NLN: variants seen among roughly 807,000 people sequenced by gnomAD.
NLN encodes the protein neurolysin.
A neutral mutation model predicts 79.9 loss-of-function variants in NLN; 64 were observed. The ratio of observed to expected loss-of-function variants is 0.80; its 90% CI spans 0.65 to 0.99. The LOEUF (loss-of-function observed/expected upper bound fraction) is 0.99. Ranked by LOEUF, NLN falls within the 50% of genes least tolerant of loss-of-function variation. The pLI, the probability that NLN is intolerant of heterozygous loss-of-function variation, is 0.00. For missense variants in NLN, 835 were observed against 858.7 expected, an observed-to-expected ratio of 0.97 and a Z score of 0.34; for synonymous variants, 267 against 296.6, an observed-to-expected ratio of 0.90 and a Z score of 1.02.
At chr5:65,795,484 C>G (rs1287242142) in intron 9 of NLN, among the ~76,000 whole-genome samples, 1 of 152,086 alleles carries the variant, frequency 6.6e-6, no homozygotes, top group Non-Finnish European at 1.5e-5. Context: ...GGCAGGAGTT[C>G]GAGACTAGCC....
rs191050687 is a variant in NLN at position 65,817,007 on chromosome 5, G to A, written c.1980+4616G>A. The stretch of plus-strand genomic sequence containing the variant: ...CTGTGTCCAGGCCTTCCTTCTCTCT[G>A]TAACCTCCTGCCATCCTACAAACCC... On this transcript the variant is annotated intron_variant, in intron 12 of 12. Transcript: ENST00000380985. Among the ~76,000 whole-genome samples the A allele has an allele frequency of 2.3e-3, 345 of 152,218 alleles. 2 individuals are homozygous for A. Among genetic ancestry groups the A allele is most frequent in the Admixed American group, 5.1e-3 (78 of 15,278 alleles).
chr5:65,758,835 G>A lies in NLN; in HGVS notation c.301+9G>A, dbSNP rs369399538. ...AGAAGTAAAGTATATAGGTGGGTCA[G>A]ATGCAGAAGCATATCAGTGTTTCAC... On this transcript the variant is annotated intron_variant, in intron 2 of 12. Coordinates refer to ENST00000380985, the MANE Select transcript of NLN (RefSeq NM_020726.5). The A allele has an allele frequency of 2.2e-5, 36 of 1,602,210 alleles. No homozygotes were observed. The highest frequency in any genetic ancestry group is 3.0e-5 in the Non-Finnish European group (35 of 1,170,526).
intron 3 of NLN, among the ~76,000 whole-genome samples, chr5:65,772,879 C>T (rs2707776): frequency 0.44 from 66,196 of 150,026 alleles, 15,697 homozygotes; most frequent in Non-Finnish European, 0.53. Context: ...TACAGGCACA[C>T]GCCACCAGAC....
intron 3 of NLN, among the ~76,000 whole-genome samples, chr5:65,768,709 G>A (rs1759505640): frequency 6.6e-6 from 1 of 152,192 alleles, no homozygotes; most frequent in South Asian, 2.1e-4. Context: ...GCTTGCAAAT[G>A]GCCCCTTCCC....
chr5:65,788,167 T>G lies in NLN; in HGVS notation c.1008T>G (p.Phe336Leu), dbSNP rs775347158. Reference protein sequence around the residue: ...LKPLGEAEREFILNLKKKECK... With the variant: ...LKPLGEAERELILNLKKKECK... ...CCTTGGGTGAAGCAGAACGAGAGTT[T>G]ATTTTGAATTTGAAGAAAAAGGAAT... Residue 336 changes from phenylalanine to leucine, a missense_variant, in exon 8 of 13, where the codon TTT (phenylalanine) becomes TTG (leucine). Transcript: ENST00000380985. 6.2e-7 allele frequency: 1 copy of G among 1,614,126 alleles called. No homozygotes were observed. Among genetic ancestry groups the G allele is most frequent in the South Asian group, 1.1e-5 (1 of 91,080 alleles).
In NLN at chr5:65,809,678, T is replaced by C. The variant is rs772244838; in HGVS notation, c.1691T>C (p.Val564Ala). 1 of 1,610,928 alleles carries C rather than the reference T, an allele frequency of 6.2e-7. No individual in the cohort carries two copies. The highest frequency in any genetic ancestry group is 8.5e-7 in the Non-Finnish European group (1 of 1,179,128). ...PIADDLLEKL[V>A]ASRLVNTGLL... ...GCAGACGATCTGCTTGAAAAACTTGTTGCTTCTAGGCTGGTCAACACAGGT... is the reference window on the plus strand; with the variant it reads ...GCAGACGATCTGCTTGAAAAACTTGCTGCTTCTAGGCTGGTCAACACAGGT... Residue 564 changes from valine to alanine, a missense_variant, in exon 10 of 13, where the codon GTT (valine) becomes GCT (alanine). By Grantham distance (64) the Val-to-Ala change is moderately conservative. Transcript: ENST00000380985.
chr5:65,815,420 A>G (rs936128670), intron 12 of NLN, among the ~76,000 whole-genome samples: 7 of 152,236 alleles, frequency 4.6e-5, no homozygotes, highest in Non-Finnish European at 8.8e-5. Flanking sequence ...GAACTTAGAG[A>G]AAGCATCATC....
chr5:65,821,477 T>TCA (rs1760796787), intron 12 of NLN, among the ~76,000 whole-genome samples: 3 of 152,198 alleles, frequency 2.0e-5, no homozygotes, highest in African/African-American at 7.2e-5. Flanking sequence ...CCATAATGTG[T>TCA]ATATTGACAC....
intron 9 of NLN, among the ~76,000 whole-genome samples, chr5:65,805,279 G>A (rs1760388259): frequency 6.6e-6 from 1 of 152,136 alleles, no homozygotes; most frequent in African/African-American, 2.4e-5. Flanking sequence ...AGAGTCATAA[G>A]TCTTTTGCTT....
chr5:65,781,873 A>G (rs552598702), intron 6 of NLN, among the ~76,000 whole-genome samples: 48 of 152,296 alleles, frequency 3.2e-4, no homozygotes, highest in African/African-American at 9.9e-4. Context: ...CCTGAAGCTC[A>G]AAGACCAGGA....
At chr5:65,789,371 T>G (rs56358443) in intron 8 of NLN, among the ~76,000 whole-genome samples, 1 of 152,252 alleles carries the variant, frequency 6.6e-6, no homozygotes, top group Admixed American at 6.5e-5. Flanking sequence ...GTTGAATACA[T>G]GCAAAGCATT....
chr5:65,736,080 G>A (rs934437655), intron 1 of NLN, among the ~76,000 whole-genome samples: 4 of 152,084 alleles, frequency 2.6e-5, no homozygotes, highest in African/African-American at 7.2e-5. Flanking sequence ...TTCTAGTACC[G>A]TTGAAGTTCC....
chr5:65,740,030 T>C (rs919904740), intron 1 of NLN, among the ~76,000 whole-genome samples: 3 of 152,212 alleles, frequency 2.0e-5, no homozygotes, highest in Non-Finnish European at 2.9e-5. Flanking sequence ...TTGCTTTTGT[T>C]GACTCTGCTT....
At chr5:65,762,271 T>TG (rs1487235529) in intron 2 of NLN, among the ~76,000 whole-genome samples, 2 of 152,176 alleles carry the variant, frequency 1.3e-5, no homozygotes, top group Non-Finnish European at 2.9e-5. Context: ...TAGGGTCCGT[T>TG]GCTTTGATTA....
intron 3 of NLN, among the ~76,000 whole-genome samples, chr5:65,770,192 G>A (rs1016193869): frequency 6.6e-6 from 1 of 152,144 alleles, no homozygotes; most frequent in Non-Finnish European, 1.5e-5. Context: ...GAAATATAAG[G>A]CTAATAAACT....
chr5:65,829,219 A>C lies in NLN; in HGVS notation c.*6304A>C, dbSNP rs1461534719. 6.6e-6 allele frequency: 1 copy of C among 152,262 alleles called. No homozygotes were observed. Among genetic ancestry groups the C allele is most frequent in the East Asian group, 1.9e-4 (1 of 5,184 alleles). 9.4% of individuals were successfully genotyped at this position (152,262 alleles called of 1,614,324 possible). On this transcript the variant is annotated 3_prime_UTR_variant, in exon 13 of 13. Transcript: ENST00000380985. ...CTTGTTTCTGTCCCCTGTCCTCCAC[A>C]GTCCTGGATTGTTAATGAATAGTTC...
Position 65,823,110 on chromosome 5 carries a change from A to T in NLN, c.*195A>T, listed in dbSNP as rs1264147684. On this transcript the variant is annotated 3_prime_UTR_variant, in exon 13 of 13. Coordinates refer to ENST00000380985, the MANE Select transcript of NLN (RefSeq NM_020726.5). The stretch of plus-strand genomic sequence containing the variant: ...TGTGACCTAAGAAAAGACCCACTAG[A>T]AAGTAATTGTACTATAAAATTTCAT... The T allele has an allele frequency of 4.2e-6, 2 of 481,070 alleles. No homozygotes were observed. Among genetic ancestry groups the T allele is most frequent in the Non-Finnish European group, 7.3e-6 (2 of 272,786 alleles). 29.8% of individuals were successfully genotyped at this position (481,070 alleles called of 1,614,324 possible). A position where few individuals can be genotyped will look rare whatever the true frequency, so the allele number is the denominator to read the frequency against.
At chr5:65,757,366 A>G (rs1474488282) in intron 1 of NLN, among the ~76,000 whole-genome samples, 1 of 152,072 alleles carries the variant, frequency 6.6e-6, no homozygotes, top group Non-Finnish European at 1.5e-5. Flanking sequence ...TTTTAATCCT[A>G]CCTGTGACCC....
intron 7 of NLN, among the ~76,000 whole-genome samples, chr5:65,787,480 A>G (rs988530399): frequency 6.6e-6 from 1 of 152,192 alleles, no homozygotes; most frequent in Non-Finnish European, 1.5e-5. Context: ...ATCGTAACGT[A>G]TGTAACAAAA....
Sources: allele counts gnomAD v4.1 joint callset (sites outside exome capture counted in the v4.1 genomes callset), GRCh38; gene constraint gnomAD v4.1.1; transcripts MANE v1.5; gene names NCBI Gene and HGNC (gene_info 2026-07-23, HGNC 2026-07-21).